Variants in ZFHX3 observed in about 807,000 individuals in gnomAD.
ZFHX3 encodes the protein zinc finger homeobox 3.
A neutral mutation model predicts 279.1 loss-of-function variants in ZFHX3; 42 were observed. The observed-to-expected ratio is 0.15, with a 90% CI of 0.12 to 0.19. ZFHX3 has a LOEUF of 0.19. ZFHX3 is among the 10% of genes least tolerant of loss of function. The pLI is 1.00. For missense variants in ZFHX3, 4,981 were observed against 4,754.0 expected (o/e 1.05, Z -1.40); for synonymous variants, 2,293 against 1,957.8 (o/e 1.17, Z -4.52).
intron 2 of ZFHX3, among the ~76,000 whole-genome samples, chr16:73,463,437 C>A (rs2143585125): frequency 6.6e-6 from 1 of 152,306 alleles, no homozygotes; most frequent in African/African-American, 2.4e-5. Flanking sequence ...TCTCAGAAGA[C>A]CAGAGCCTAT....
chr16:73,143,004 G>A (rs919965998), intron 6 of ZFHX3, among the ~76,000 whole-genome samples: 22 of 152,138 alleles, frequency 1.4e-4, no homozygotes, highest in Non-Finnish European at 2.5e-4. Flanking sequence ...TGGAGTTTTA[G>A]GTGGTGCTTA....
chr16:73,773,284 G>T (rs1294832230), intron 1 of ZFHX3, among the ~76,000 whole-genome samples: 1 of 152,216 alleles, frequency 6.6e-6, no homozygotes, highest in Non-Finnish European at 1.5e-5. Context: ...CCAGGCAGCT[G>T]TGTCCCACAG....
intron 4 of ZFHX3, among the ~76,000 whole-genome samples, chr16:72,880,698 G>C (rs1481744000): frequency 6.6e-6 from 1 of 152,146 alleles, no homozygotes; most frequent in Admixed American, 6.5e-5. Flanking sequence ...ATCACACATT[G>C]TCTGATTTTT....
At chr16:73,336,569 G>T (rs1160421223) in intron 3 of ZFHX3, among the ~76,000 whole-genome samples, 2 of 151,950 alleles carry the variant, frequency 1.3e-5, no homozygotes, top group Non-Finnish European at 2.9e-5. Flanking sequence ...ACATGATCTT[G>T]TTCATTTTTA....
chr16:73,543,511 T>A (rs1359159251), intron 2 of ZFHX3, among the ~76,000 whole-genome samples: 1 of 152,004 alleles, frequency 6.6e-6, no homozygotes, highest in African/African-American at 2.4e-5. Flanking sequence ...AAACCCCTGG[T>A]AATTAGCAGC....
intron 2 of ZFHX3, among the ~76,000 whole-genome samples, chr16:73,636,852 G>C (rs867994444): frequency 2.0e-5 from 3 of 152,156 alleles, no homozygotes; most frequent in Middle Eastern, 3.4e-3. Context: ...TATAACTTTA[G>C]TATCACTACA....
intron 7 of ZFHX3, among the ~76,000 whole-genome samples, chr16:72,800,960 A>G (rs563350118): frequency 6.6e-6 from 1 of 152,226 alleles, no homozygotes; most frequent in African/African-American, 2.4e-5. Context: ...AGAGCCTCAG[A>G]TATTTCTCTA....
intron 3 of ZFHX3, among the ~76,000 whole-genome samples, chr16:73,434,257 G>C (rs1436740743): frequency 6.6e-6 from 1 of 152,078 alleles, no homozygotes; most frequent in Non-Finnish European, 1.5e-5. Context: ...TACACTTCTC[G>C]TGCCCCACTC....
At chr16:72,860,291 C>T (rs765072108) in intron 4 of ZFHX3, among the ~76,000 whole-genome samples, 1 of 152,100 alleles carries the variant, frequency 6.6e-6, no homozygotes, top group South Asian at 2.1e-4. Context: ...CTCGGTGGAA[C>T]GGCTCTGTTT....
intron 2 of ZFHX3, among the ~76,000 whole-genome samples, chr16:73,607,694 A>G (rs1452480460): frequency 6.6e-6 from 1 of 152,228 alleles, no homozygotes; most frequent in Non-Finnish European, 1.5e-5. Flanking sequence ...AAGTTTCATC[A>G]TAAAAATCCT....
intron 2 of ZFHX3, among the ~76,000 whole-genome samples, chr16:73,514,599 A>G (rs1322542199): frequency 2.0e-5 from 3 of 152,214 alleles, no homozygotes; most frequent in Admixed American, 1.3e-4. Context: ...TGCACCTATC[A>G]TCTCATGTAA....
At position 72,908,178 on chromosome 16, in the gene ZFHX3, A is replaced by C. The variant is rs77518531; in HGVS notation, c.3217-18216T>G. Among the ~76,000 whole-genome samples the C allele has an allele frequency of 1.0e-2, 1,521 of 152,286 alleles. 43 individuals are homozygous for C. The highest frequency in any genetic ancestry group is 0.04 in the East Asian group (206 of 5,170). ...GTGAGACTGGAAGGTTCCTGAGGGC[A>C]GAGATGCTATGCCCTCCTCCCTGGG... is the stretch of plus-strand genomic sequence containing the variant. On this transcript the variant is annotated intron_variant, in intron 3 of 9. Coordinates refer to ENST00000268489, the MANE Select transcript of ZFHX3 (RefSeq NM_006885.4).
At chr16:72,964,878 G>C (rs1234814539) in intron 1 of ZFHX3, among the ~76,000 whole-genome samples, 1 of 152,044 alleles carries the variant, frequency 6.6e-6, no homozygotes, top group Admixed American at 6.6e-5. Context: ...CGGAGAGTAT[G>C]GGTGTGGAGT....
chr16:73,781,784 T>A (rs373889975), intron 1 of ZFHX3, among the ~76,000 whole-genome samples: 6 of 152,074 alleles, frequency 3.9e-5, no homozygotes, highest in Admixed American at 6.6e-5. Flanking sequence ...GTCAGGAGTT[T>A]GAGACCAGCC....
intron 2 of ZFHX3, among the ~76,000 whole-genome samples, chr16:73,626,152 G>A (rs1355464133): frequency 2.6e-5 from 4 of 152,226 alleles, no homozygotes; most frequent in Admixed American, 6.5e-5. Context: ...CACCACGCCC[G>A]GCCGAAATAA....
intron 5 of ZFHX3, among the ~76,000 whole-genome samples, chr16:73,200,357 A>G (rs555196365): frequency 6.6e-6 from 1 of 152,288 alleles, no homozygotes; most frequent in Non-Finnish European, 1.5e-5. Flanking sequence ...AAACCCCTTC[A>G]TGAATTTTTA....
At chr16:72,798,914 G>C (rs1363765076) in intron 8 of ZFHX3, among the ~76,000 whole-genome samples, 200 bp from the exon 9 acceptor site, 2 of 152,148 alleles carry the variant, frequency 1.3e-5, no homozygotes, top group African/African-American at 2.4e-5. Context: ...ATTATAAACA[G>C]GGTGCACATG....
At chr16:73,330,475 G>C (rs988026251) in intron 3 of ZFHX3, among the ~76,000 whole-genome samples, 3 of 152,230 alleles carry the variant, frequency 2.0e-5, no homozygotes. Flanking sequence ...ACAGTCTTTT[G>C]CACTGAGTGC....
At chr16:73,386,365 A>G (rs894561137) in intron 3 of ZFHX3, among the ~76,000 whole-genome samples, 3 of 152,156 alleles carry the variant, frequency 2.0e-5, no homozygotes, top group Non-Finnish European at 4.4e-5. Flanking sequence ...CCCTTACTAG[A>G]TGTGCATATA....
Sources: allele counts gnomAD v4.1 joint callset (sites outside exome capture counted in the v4.1 genomes callset), GRCh38; gene constraint gnomAD v4.1.1; transcripts MANE v1.5; gene names NCBI Gene and HGNC (gene_info 2026-07-23, HGNC 2026-07-21).